The following DOCK3 variants were observed in gnomAD, a reference collection of about 807,000 sequenced individuals.
DOCK3 encodes the protein dedicator of cytokinesis protein 3.
DOCK3 carries 60 observed loss-of-function variants against 265.6 expected under a neutral mutation model. The ratio of observed to expected loss-of-function variants is 0.23; its 90% confidence interval spans 0.18 to 0.28. The LOEUF is 0.28. Among genes scored for constraint, DOCK3 ranks in the 10% least tolerant of loss-of-function variants. The probability of loss-of-function intolerance (pLI) is 1.00; values close to 1 mark genes in which losing one functional copy is unlikely to be tolerated. For missense variants in DOCK3, 1,981 were observed against 2,594.3 expected (o/e 0.76, Z 5.14); for synonymous variants, 881 against 938.0 (o/e 0.94, Z 1.11).
intron 4 of DOCK3, among the ~76,000 whole-genome samples, chr3:50,914,923 G>T (rs2050040772): frequency 6.6e-6 from 1 of 152,054 alleles, no homozygotes; most frequent in African/African-American, 2.4e-5. Flanking sequence ...GTTCTAGGTG[G>T]ATGTTATTGA....
At position 51,315,968 on chromosome 3, in the gene DOCK3, T is replaced by C. The variant is rs574487289; in HGVS notation, c.3402+840T>C. On this transcript the variant is annotated intron_variant, in intron 32 of 52. Transcript: ENST00000266037. ...AATAGGTGACTGTAACAGTGAGAAG[T>C]AGACCAGGCAAACAGTAATTTTTAA... Among the ~76,000 whole-genome samples the C allele has an allele frequency of 2.6e-5, 4 of 152,338 alleles. No homozygotes were observed. The East Asian group carries it at 7.7e-4, about 29-fold the overall frequency.
intron 1 of DOCK3, among the ~76,000 whole-genome samples, chr3:50,750,800 AC>A (rs1380190034): frequency 2.0e-5 from 3 of 152,088 alleles, no homozygotes; most frequent in Non-Finnish European, 4.4e-5. Context: ...AGAGTGTGTT[AC>A]TCCACCATCC....
At chr3:51,101,113 CTT>C (rs59972198) in intron 9 of DOCK3, among the ~76,000 whole-genome samples, 5 of 122,560 alleles carry the variant, frequency 4.1e-5, no homozygotes, top group Non-Finnish European at 1.6e-5. Context: ...CTTAGTCTTT[CTT>C]TTTTTTTTTT....
At chr3:50,810,096 C>G (rs1354265621) in intron 2 of DOCK3, among the ~76,000 whole-genome samples, 1 of 152,110 alleles carries the variant, frequency 6.6e-6, no homozygotes, top group African/African-American at 2.4e-5. Context: ...GATTGTGCCA[C>G]TACACTTTAG....
chr3:51,073,336 A>G (rs2109356419), intron 6 of DOCK3, among the ~76,000 whole-genome samples: 1 of 152,056 alleles, frequency 6.6e-6, no homozygotes, highest in Non-Finnish European at 1.5e-5. Flanking sequence ...GTTGCTTTTT[A>G]TAAGAAGGGG....
intron 9 of DOCK3, among the ~76,000 whole-genome samples, chr3:51,116,417 C>CTCCAA (rs1182937646): frequency 7.4e-6 from 1 of 135,712 alleles, no homozygotes; most frequent in East Asian, 2.1e-4. Flanking sequence ...CGCCACTGTA[C>CTCCAA]TCCAGCCTGG....
At chr3:51,133,782 TGGGTCA>T (rs200634035) in intron 9 of DOCK3, among the ~76,000 whole-genome samples, 5,250 of 152,148 alleles carry the variant, frequency 0.035, 136 homozygotes, top group Non-Finnish European at 0.055. Flanking sequence ...AACATAGAGT[TGGGTCA>T]GGCTGAATTT....
intron 5 of DOCK3, among the ~76,000 whole-genome samples, chr3:51,014,274 G>A (rs941612816): frequency 6.6e-6 from 1 of 151,598 alleles, no homozygotes; most frequent in African/African-American, 2.4e-5. Flanking sequence ...GCAGACCAGA[G>A]CTGTTCCTAT....
At chr3:51,053,078 G>GATAGATATAT (rs1345393303) in intron 5 of DOCK3, among the ~76,000 whole-genome samples, 30 of 43,794 alleles carry the variant, frequency 6.9e-4, no homozygotes, top group Non-Finnish European at 1.2e-3. Flanking sequence ...AAAAGTCAAA[G>GATAGATATAT]ATATATATAT....
rs2088668912 is a variant in DOCK3, at chr3:51,381,787, C to T, written c.*228C>T. The T allele has an allele frequency of 4.1e-6, 2 of 488,016 alleles. No homozygotes were observed. Among genetic ancestry groups the T allele is most frequent in the Non-Finnish European group, 7.0e-6 (2 of 287,530 alleles). The allele number at this position is 488,016 out of a possible 1,614,324, so 30.2% of individuals were successfully genotyped here. On this transcript the variant is annotated 3_prime_UTR_variant, in exon 53 of 53. Transcript: ENST00000266037. The surrounding 1 kb of genome is among the most constrained non-coding windows in gnomAD (Gnocchi z 5.6). ...TTCCCTTTTTATTTTTTTACATTTC[C>T]ATTTCTATGGGTTTTCCTTTCTTTC...
chr3:51,193,683 G>A (rs374128736), intron 12 of DOCK3, among the ~76,000 whole-genome samples: 27 of 151,802 alleles, frequency 1.8e-4, no homozygotes, highest in Admixed American at 7.2e-4. Context: ...TTTTCTCTAG[G>A]TGTTTCAGTT....
chr3:51,375,943 G>A (rs2088089390), intron 51 of DOCK3, 108 bp downstream of exon 51: 1 of 1,135,560 alleles, frequency 8.8e-7, no homozygotes, highest in Non-Finnish European at 1.3e-6. Context: ...TCAACACTCA[G>A]GTCTGTCCGT....
In DOCK3 at chr3:50,857,967, A is replaced by G. The variant is rs2046693146; in HGVS notation, c.162+16252A>G. Among the ~76,000 whole-genome samples the G allele has an allele frequency of 3.3e-5, 5 of 152,344 alleles. No homozygotes were observed. In the South Asian group the frequency reaches 8.3e-4, roughly 25 times the overall value. On this transcript the variant is annotated intron_variant, in intron 3 of 52. Transcript: ENST00000266037. ...GATTATAAATCATGCTGCTATAAAG[A>G]CACATGCACACGTATGTTTATTGCA...
At chr3:51,141,101 T>C (rs1448137666) in intron 9 of DOCK3, among the ~76,000 whole-genome samples, 1 of 152,066 alleles carries the variant, frequency 6.6e-6, no homozygotes, top group African/African-American at 2.4e-5. Context: ...AAGTCCCTTT[T>C]TTTGTTGTTG....
intron 5 of DOCK3, among the ~76,000 whole-genome samples, chr3:50,983,728 C>T (rs2077788335): frequency 6.6e-6 from 1 of 152,188 alleles, no homozygotes; most frequent in South Asian, 2.1e-4. Context: ...TCTTCCTGGT[C>T]ACAGAACAAG....
chr3:51,069,986 C>G (rs185253533), intron 6 of DOCK3, among the ~76,000 whole-genome samples: 60 of 152,304 alleles, frequency 3.9e-4, no homozygotes, highest in African/African-American at 1.4e-3. Context: ...GCTCACTGAT[C>G]AGTGTCTTGC....
chr3:51,008,707 G>T (rs1307594116), intron 5 of DOCK3, among the ~76,000 whole-genome samples: 1 of 152,072 alleles, frequency 6.6e-6, no homozygotes, highest in East Asian at 1.9e-4. Context: ...GTTTTCAAAG[G>T]GAATGCTTCC....
intron 12 of DOCK3, among the ~76,000 whole-genome samples, chr3:51,176,281 T>C (rs1040061099): frequency 6.6e-6 from 1 of 152,110 alleles, no homozygotes; most frequent in Non-Finnish European, 1.5e-5. Context: ...TCTCTTCCTT[T>C]CTTTTTTTCT....
intron 1 of DOCK3, among the ~76,000 whole-genome samples, chr3:50,736,433 G>T (rs554656858): frequency 6.6e-6 from 1 of 152,300 alleles, no homozygotes; most frequent in East Asian, 1.9e-4. Flanking sequence ...GGATGGCTGG[G>T]TCAAATGGTG....
Sources: allele counts gnomAD v4.1 joint callset (sites outside exome capture counted in the v4.1 genomes callset), GRCh38; gene constraint gnomAD v4.1.1; non-coding constraint Gnocchi (gnomAD v3.1); transcripts MANE v1.5; gene names NCBI Gene and HGNC (gene_info 2026-07-23, HGNC 2026-07-21).